The following IL1RAPL1 variants were observed in gnomAD, a reference collection of about 807,000 sequenced individuals.
IL1RAPL1 encodes interleukin 1 receptor accessory protein like 1.
Under a neutral mutation model 48.4 loss-of-function variants are expected in IL1RAPL1, and 3 were observed. The observed-to-expected ratio is 0.06, with a 90% confidence interval of 0.03 to 0.16. The LOEUF is 0.16. Ranked by LOEUF, IL1RAPL1 falls within the 10% of genes least tolerant of loss-of-function variation. The pLI is 1.00. For synonymous variants in IL1RAPL1, 185 were observed against 187.7 expected (o/e 0.99, Z 0.12); for missense variants, 349 against 530.6 (o/e 0.66, Z 3.36).
chrX:28,761,574 G>A (rs1179530375), intron 1 of IL1RAPL1, among the ~76,000 whole-genome samples: 1 of 111,032 alleles, frequency 9.0e-6, no homozygotes, highest in East Asian at 2.8e-4. Flanking sequence ...GGAACAGTAG[G>A]CACTGGGGAT....
chrX:29,103,687 C>T (rs903587932), intron 2 of IL1RAPL1, among the ~76,000 whole-genome samples: 28 of 111,071 alleles, frequency 2.5e-4, no homozygotes, highest in African/African-American at 7.6e-4. Context: ...AAGACACAGC[C>T]CCAAGAATGA....
At chrX:29,260,465 C>T (rs1931834583) in intron 2 of IL1RAPL1, among the ~76,000 whole-genome samples, 1 of 112,034 alleles carries the variant, frequency 8.9e-6, no homozygotes, top group Non-Finnish European at 1.9e-5. Flanking sequence ...CTGGGAAACG[C>T]CCATTTATAA....
intron 1 of IL1RAPL1, among the ~76,000 whole-genome samples, chrX:28,638,395 G>C (rs1303417245): frequency 9.0e-6 from 1 of 110,613 alleles, no homozygotes; most frequent in Non-Finnish European, 1.9e-5. Context: ...GGCTTCCCAA[G>C]AGCATTTTCA....
intron 3 of IL1RAPL1, among the ~76,000 whole-genome samples, chrX:29,366,367 T>C: frequency 9.1e-6 from 1 of 110,255 alleles, no homozygotes; most frequent in Non-Finnish European, 1.9e-5. Flanking sequence ...TATTCTAGCA[T>C]CAAATATTAA....
intron 2 of IL1RAPL1, among the ~76,000 whole-genome samples, chrX:29,277,854 T>C (rs752597658): frequency 8.9e-6 from 1 of 112,222 alleles, no homozygotes; most frequent in African/African-American, 3.2e-5. Context: ...ATATAGCTTA[T>C]ACACATAGCC....
chrX:28,622,909 T>C (rs1049036857), intron 1 of IL1RAPL1, among the ~76,000 whole-genome samples: 11 of 111,617 alleles, frequency 9.9e-5, no homozygotes, highest in African/African-American at 3.3e-4. Context: ...ATATCTGCTG[T>C]GTAGTGGGTT....
At chrX:29,122,245 A>G (rs1029433120) in intron 2 of IL1RAPL1, among the ~76,000 whole-genome samples, 2 of 111,569 alleles carry the variant, frequency 1.8e-5, no homozygotes, top group African/African-American at 6.5e-5. Context: ...CCATTTATAG[A>G]TAAGAGCAAT....
At chrX:28,924,692 A>G (rs2147339386) in intron 2 of IL1RAPL1, among the ~76,000 whole-genome samples, 1 of 112,292 alleles carries the variant, frequency 8.9e-6, no homozygotes, top group South Asian at 3.7e-4. Context: ...AAATTTGAAA[A>G]TGAAAGATTT....
intron 6 of IL1RAPL1, among the ~76,000 whole-genome samples, chrX:29,875,913 G>A (rs1359604135): frequency 2.7e-5 from 3 of 111,905 alleles, no homozygotes; most frequent in African/African-American, 9.7e-5. Context: ...CTCTTGGGCT[G>A]TGCAACTGTG....
rs1447926305 is a variant in IL1RAPL1, at chrX:29,837,272, A to AAAAT, written c.779-80191_779-80190insAATA. Among the ~76,000 whole-genome samples the AAAAT allele has an allele frequency of 5.1e-3, 366 of 72,027 alleles. 1 individual carries two copies. Among genetic ancestry groups the AAAAT allele is most frequent in the East Asian group, 0.015 (32 of 2,096 alleles). The allele number at this position is 72,027 out of a possible 115,157, so 62.5% of individuals were successfully genotyped here. A position where few individuals can be genotyped will look rare whatever the true frequency, so the allele number is the denominator to read the frequency against. ...AGACTGCATCTCAAAAAAAAAAAAA[A>AAAAT]ATATATATATATATATATATATATA... On this transcript the variant is annotated intron_variant, in intron 6 of 10. Transcript: ENST00000378993.
At chrX:29,310,377 C>T (rs1384811499) in intron 3 of IL1RAPL1, among the ~76,000 whole-genome samples, 1 of 110,324 alleles carries the variant, frequency 9.1e-6, no homozygotes. Context: ...AACTAGAAAA[C>T]AGAACATAGC....
intron 1 of IL1RAPL1, among the ~76,000 whole-genome samples, chrX:28,668,083 A>G (rs1013008378): frequency 1.3e-4 from 14 of 111,417 alleles, no homozygotes; most frequent in Non-Finnish European, 2.6e-4. Context: ...GGTATGGGAG[A>G]AAAGCAGCTT....
intron 1 of IL1RAPL1, among the ~76,000 whole-genome samples, chrX:28,787,653 G>T (rs761972590): frequency 9.0e-6 from 1 of 110,738 alleles, no homozygotes; most frequent in Non-Finnish European, 1.9e-5. Context: ...AATGGATTTT[G>T]CTTTTGTTTT....
At chrX:29,152,068 C>T (rs1298162620) in intron 2 of IL1RAPL1, among the ~76,000 whole-genome samples, 1 of 111,433 alleles carries the variant, frequency 9.0e-6, no homozygotes, top group Admixed American at 9.6e-5. Context: ...CTGGGGAGGC[C>T]TCACAATCAT....
chrX:29,721,381 AG>A (rs1217398789), intron 6 of IL1RAPL1, among the ~76,000 whole-genome samples: 1 of 111,800 alleles, frequency 8.9e-6, no homozygotes, highest in Non-Finnish European at 1.9e-5. Flanking sequence ...TGTAGCACAG[AG>A]TAGAGAGCCC....
chrX:29,721,375 GCA>G (rs892301100), intron 6 of IL1RAPL1, among the ~76,000 whole-genome samples: 2 of 111,761 alleles, frequency 1.8e-5, no homozygotes, highest in African/African-American at 6.5e-5. Context: ...GCATGCTGTA[GCA>G]CAGAGTAGAG....
intron 5 of IL1RAPL1, among the ~76,000 whole-genome samples, chrX:29,399,975 C>T (rs968417451): frequency 2.7e-5 from 3 of 112,113 alleles, no homozygotes; most frequent in East Asian, 5.6e-4. Context: ...CTACCTCTGT[C>T]TTCCTGTCTT....
At chrX:29,185,639 C>T (rs1043469033) in intron 2 of IL1RAPL1, among the ~76,000 whole-genome samples, 1 of 111,635 alleles carries the variant, frequency 9.0e-6, no homozygotes, top group African/African-American at 3.3e-5. Context: ...GCTGTTGACT[C>T]CATGATACTC....
At chrX:29,543,265 G>T (rs1921503494) in intron 5 of IL1RAPL1, among the ~76,000 whole-genome samples, 1 of 110,177 alleles carries the variant, frequency 9.1e-6, no homozygotes. Context: ...TCTTATTGCT[G>T]AGTATAATGC....
Sources: allele counts gnomAD v4.1 joint callset (sites outside exome capture counted in the v4.1 genomes callset), GRCh38; gene constraint gnomAD v4.1.1; transcripts MANE v1.5; gene names NCBI Gene and HGNC (gene_info 2026-07-23, HGNC 2026-07-21).